The following RBBP8 variants were observed in gnomAD, a reference collection of about 807,000 sequenced individuals.
RBBP8 encodes the protein RB binding protein 8, endonuclease, also known as DNA endonuclease RBBP8.
Under a neutral mutation model 108.3 loss-of-function variants are expected in RBBP8, and 88 were observed. That is an observed-to-expected ratio of 0.81 (90% CI 0.68 to 0.97). The LOEUF is 0.97. RBBP8 is among the 50% of genes least tolerant of loss of function. The probability of loss-of-function intolerance (pLI) is 0.00; values close to 1 mark genes in which losing one functional copy is unlikely to be tolerated. For missense variants in RBBP8, 1,023 were observed against 1,049.0 expected (o/e 0.98, Z 0.34); for synonymous variants, 332 against 348.2 (o/e 0.95, Z 0.52).
chr18:22,919,409 C>G (rs959524060), intron 3 of RBBP8, among the ~76,000 whole-genome samples: 1 of 152,148 alleles, frequency 6.6e-6, no homozygotes, highest in Non-Finnish European at 1.5e-5. Context: ...AATCGCTTTA[C>G]AAAAAGCTTT....
chr18:22,990,792 G>T, intron 9 of RBBP8, 145 bp from the exon 10 acceptor site: 1 of 622,560 alleles, frequency 1.6e-6, no homozygotes, highest in African/African-American at 1.8e-5. Flanking sequence ...TCATATAAAT[G>T]GAATCATACA....
chr18:22,959,870 C>CT (rs35259762), intron 4 of RBBP8, among the ~76,000 whole-genome samples: 1,456 of 86,384 alleles, frequency 0.017, 61 homozygotes, highest in East Asian at 0.096. Context: ...GATGAACTTT[C>CT]TTTTTTTTTT....
chr18:22,975,141 A>G lies in RBBP8; in HGVS notation c.362-12A>G, dbSNP rs1223565421. 3 of 1,606,770 alleles carry G rather than the reference A, an allele frequency of 1.9e-6. No individual in the cohort carries two copies. The highest frequency in any genetic ancestry group is 1.7e-5 in the Admixed American group (1 of 59,216). ...ATATATTATTTGCCTTCTTTTTCAC[A>G]TTGTTTTTAAGTGAATGAAAGGAAT... On this transcript the variant is annotated splice_polypyrimidine_tract_variant and intron_variant, in intron 5 of 18. Transcript: ENST00000327155.
chr18:22,957,311 T>TG (rs57703788), intron 4 of RBBP8, among the ~76,000 whole-genome samples: 2 of 147,482 alleles, frequency 1.4e-5, no homozygotes, highest in Non-Finnish European at 3.0e-5. Flanking sequence ...TTTTTTTTTT[T>TG]GCCTGTCTTT....
intron 15 of RBBP8, among the ~76,000 whole-genome samples, chr18:23,005,530 A>G (rs1225049738): frequency 2.0e-5 from 3 of 152,066 alleles, no homozygotes; most frequent in Non-Finnish European, 1.5e-5. Flanking sequence ...CTCCTGCCTC[A>G]GCCTCCCGAG....
At chr18:22,936,720 C>A in intron 1 of RBBP8, 34 bp from the exon 2 acceptor site, 1 of 991,206 alleles carries the variant, frequency 1.0e-6, no homozygotes, top group Non-Finnish European at 1.6e-6. Flanking sequence ...AAGATAAATG[C>A]AAAGTTCATT....
At chr18:23,011,438 T>TG (rs2046158131) in intron 16 of RBBP8, among the ~76,000 whole-genome samples, 1 of 29,562 alleles carries the variant, frequency 3.4e-5, no homozygotes, top group Non-Finnish European at 6.8e-5. Flanking sequence ...TCTTTGATGC[T>TG]ATTTTTTTTT....
intron 4 of RBBP8, among the ~76,000 whole-genome samples, chr18:22,961,747 G>A (rs760104161): frequency 1.5e-4 from 23 of 152,306 alleles, no homozygotes; most frequent in Non-Finnish European, 2.4e-4. Flanking sequence ...GAAGCCAAAA[G>A]ATTGGACACC....
In RBBP8 at chr18:23,018,514, G is replaced by A. The variant is rs9956570; in HGVS notation, c.2454+1590G>A. Among the ~76,000 whole-genome samples the A allele has an allele frequency of 2.4e-3, 360 of 152,212 alleles. 2 individuals carry two copies. The highest frequency in any genetic ancestry group is 8.4e-3 in the African/African-American group (350 of 41,538). On this transcript the variant is annotated intron_variant, in intron 17 of 18. Coordinates refer to ENST00000327155, the MANE Select transcript of RBBP8 (RefSeq NM_002894.3). ...GACCTACTGTGGATACCAAAATCAC[G>A]GATGCTCAAGTCTCTGATATAAAAT... is the stretch of plus-strand genomic sequence containing the variant.
rs1318761648 is a variant in RBBP8, at chr18:22,967,836, CAG to C, written c.249-969_249-968del. On this transcript the variant is annotated intron_variant, in intron 4 of 18. Transcript: ENST00000327155. The stretch of plus-strand genomic sequence containing the variant: ...TAATTTTTTGTATTTTTAGTAGAGA[CAG>C]GGGTTTCACTGTGATAGCCAGGGTT... 3.3e-5 allele frequency among the ~76,000 whole-genome samples: 5 copies of C among 151,550 alleles called. No individual in the cohort carries two copies. In the South Asian group the frequency reaches 6.2e-4, roughly 19 times the overall value.
At chr18:22,990,803 T>C in intron 9 of RBBP8, 134 bp from the exon 10 acceptor site, 2 of 656,954 alleles carry the variant, frequency 3.0e-6, no homozygotes, top group South Asian at 3.3e-5. Context: ...GAATCATACA[T>C]TATGTGGCCT....
chr18:22,926,398 G>A (rs1909793020), intron 3 of RBBP8, among the ~76,000 whole-genome samples: 1 of 152,166 alleles, frequency 6.6e-6, no homozygotes, highest in Admixed American at 6.5e-5. Context: ...ACTCCAGCAT[G>A]GGGGATAAGA....
At chr18:22,959,025 T>C (rs1432886646) in intron 4 of RBBP8, among the ~76,000 whole-genome samples, 2 of 152,196 alleles carry the variant, frequency 1.3e-5, no homozygotes, top group Non-Finnish European at 2.9e-5. Context: ...ATGAACCACC[T>C]GTTTTGTTCC....
chr18:22,923,026 A>G (rs947123999), intron 3 of RBBP8, among the ~76,000 whole-genome samples: 2 of 152,196 alleles, frequency 1.3e-5, no homozygotes, highest in Non-Finnish European at 1.5e-5. Flanking sequence ...CTAGCAATTC[A>G]ATAGTTTCAC....
intron 4 of RBBP8, among the ~76,000 whole-genome samples, chr18:22,963,256 G>A (rs374016228): frequency 4.0e-5 from 6 of 151,250 alleles, no homozygotes; most frequent in African/African-American, 7.3e-5. Context: ...CTACATAGAC[G>A]CCATTCCCAT....
At chr18:22,974,458 T>G (rs1015474176) in intron 5 of RBBP8, among the ~76,000 whole-genome samples, 1 of 152,142 alleles carries the variant, frequency 6.6e-6, no homozygotes, top group Admixed American at 6.5e-5. Context: ...GCGTTTTTGG[T>G]GTTTTTTTGT....
chr18:22,953,972 C>A (rs1009177497), intron 4 of RBBP8, among the ~76,000 whole-genome samples: 1 of 152,060 alleles, frequency 6.6e-6, no homozygotes, highest in Admixed American at 6.5e-5. Flanking sequence ...ATAAAACCAT[C>A]AGATCTCATG....
upstream of RBBP8, among the ~76,000 whole-genome samples, chr18:22,928,963 C>T (rs1388917053): frequency 6.6e-6 from 1 of 152,156 alleles, no homozygotes. Context: ...AGCTACCGCA[C>T]CAGTCTGGCA....
rs1914992480 is a variant in RBBP8 at position 22,982,350 on chromosome 18, A to G, written c.561A>G (p.Ile187Met). Residue 187 changes from isoleucine (I) to methionine (M), a missense_variant, in exon 7 of 19, where the codon ATA becomes ATG. Physicochemically the swap from Ile to Met is conservative, Grantham distance 10. Coordinates refer to ENST00000327155, the MANE Select transcript of RBBP8 (RefSeq NM_002894.3). ...AGGAGAACCCCCATGTCCGATACAT[A>G]GAACAAACACATACTAAATTGGAGC... ...RRKENPHVRYIEQTHTKLEHS... is the reference protein window; with the variant it reads ...RRKENPHVRYMEQTHTKLEHS... 6.2e-7 allele frequency: 1 copy of G among 1,614,182 alleles called. No individual in the cohort carries two copies. The highest frequency in any genetic ancestry group is 8.5e-7 in the Non-Finnish European group (1 of 1,180,000).
Sources: gnomAD v4.1 joint callset for allele counts (sites outside exome capture counted in the v4.1 genomes callset) on GRCh38, gnomAD v4.1.1 for gene constraint, MANE v1.5 for transcripts, NCBI Gene and HGNC (gene_info 2026-07-23, HGNC 2026-07-21) for gene names.